Variants in ANK3 observed in about 807,000 individuals in gnomAD.
ANK3 encodes ankyrin-3.
In ANK3, 57 loss-of-function variants were observed where a neutral mutation model predicts 370.9. That is an observed-to-expected ratio of 0.15 (90% confidence interval 0.12 to 0.19). The LOEUF is 0.19. Among genes scored for constraint, ANK3 ranks in the 10% least tolerant of loss-of-function variants. The pLI is 1.00. For missense variants in ANK3, 4,439 were observed against 5,302.1 expected, an observed-to-expected ratio of 0.84 and a Z score of 5.06; for synonymous variants, 1,929 against 1,946.3, an observed-to-expected ratio of 0.99 and a Z score of 0.23.
chr10:60,410,408 C>T (rs1454472089), intron 2 of ANK3, among the ~76,000 whole-genome samples: 3 of 152,090 alleles, frequency 2.0e-5, no homozygotes, highest in Admixed American at 1.3e-4. Context: ...CTAATGTGTT[C>T]CATAGAGCTT....
intron 1 of ANK3, among the ~76,000 whole-genome samples, chr10:60,321,267 G>A (rs1435939967): frequency 2.0e-5 from 3 of 151,736 alleles, no homozygotes; most frequent in Non-Finnish European, 4.4e-5. Context: ...ACACATCTGT[G>A]GTCCCAGCTA....
In ANK3 at chr10:60,321,711, G is replaced by A. The variant is rs72822278; in HGVS notation, c.115-42072C>T. Among the ~76,000 whole-genome samples, 829 of 152,340 alleles carry A rather than the reference G, an allele frequency of 5.4e-3. 4 individuals carry two copies. The highest frequency in any genetic ancestry group is 0.013 in the South Asian group (64 of 4,828). On this transcript the variant is annotated intron_variant, in intron 1 of 43. Transcript: ENST00000280772. ...CCATGGTCACACCGCAGAAGTGGGT[G>A]TCAAAGCTGGGGCTGAAATCAGCAG...
intron 1 of ANK3, among the ~76,000 whole-genome samples, chr10:60,725,568 T>C (rs1439524197): frequency 6.6e-6 from 1 of 152,194 alleles, no homozygotes; most frequent in Non-Finnish European, 1.5e-5. Context: ...ATTATACTTC[T>C]TAGCTCCCTA....
intron 2 of ANK3, among the ~76,000 whole-genome samples, chr10:60,593,568 AG>A (rs2077946378): frequency 6.6e-6 from 1 of 152,132 alleles, no homozygotes. Context: ...ATGACCTTTG[AG>A]GTTTCTATTG....
intron 25 of ANK3, among the ~76,000 whole-genome samples, chr10:60,116,860 C>T (rs73261125): frequency 0.04 from 6,158 of 152,094 alleles, 393 homozygotes; most frequent in African/African-American, 0.14. Context: ...AGGTTGCCAG[C>T]GTAAAATGAC....
intron 42 of ANK3, chr10:60,051,601 TAAAATA>T: frequency 2.3e-6 from 2 of 869,092 alleles, no homozygotes; most frequent in Non-Finnish European, 2.8e-6. Flanking sequence ...CCATCACACT[TAAAATA>T]AAAGACATTC....
At chr10:60,590,952 G>T (rs2077901507) in intron 2 of ANK3, among the ~76,000 whole-genome samples, 1 of 152,124 alleles carries the variant, frequency 6.6e-6, no homozygotes, top group Non-Finnish European at 1.5e-5. Flanking sequence ...TGGATACAGA[G>T]GGCCAACTGT....
At chr10:60,693,998 T>C (rs1309851676) in intron 1 of ANK3, among the ~76,000 whole-genome samples, 1 of 151,838 alleles carries the variant, frequency 6.6e-6, no homozygotes, top group African/African-American at 2.4e-5. Flanking sequence ...TTGAAAACTT[T>C]GAAAAAAATT....
intron 1 of ANK3, among the ~76,000 whole-genome samples, chr10:60,715,869 A>G (rs1034812547): frequency 0.013 from 1 of 76 alleles, no homozygotes; most frequent in Non-Finnish European, 0.024. Context: ...GACCATGCTG[A>G]CCAATCAGCT....
At chr10:60,297,871 G>A (rs1419451188) in intron 1 of ANK3, among the ~76,000 whole-genome samples, 1 of 152,016 alleles carries the variant, frequency 6.6e-6, no homozygotes, top group Non-Finnish European at 1.5e-5. Context: ...CAAGTTTTGT[G>A]ATTTCTTTTT....
At chr10:60,485,465 T>C (rs998479541) in intron 2 of ANK3, among the ~76,000 whole-genome samples, 8 of 152,216 alleles carry the variant, frequency 5.3e-5, no homozygotes, top group Admixed American at 5.2e-4. Context: ...GGGAAGGCTT[T>C]AACAATGTGA....
chr10:60,189,678 G>A (rs139013741), intron 16 of ANK3, among the ~76,000 whole-genome samples: 4 of 152,198 alleles, frequency 2.6e-5, no homozygotes, highest in Admixed American at 2.6e-4. Flanking sequence ...ACTAAGAAAG[G>A]CAGATGCATC....
In ANK3 at chr10:60,327,515, C is replaced by T. The variant is rs189464991; in HGVS notation, c.115-47876G>A. On this transcript the variant is annotated intron_variant, in intron 1 of 43. Coordinates refer to ENST00000280772, the MANE Select transcript of ANK3 (RefSeq NM_020987.5). The stretch of plus-strand genomic sequence containing the variant: ...TTCCTCTCCTTATACCGCAGTAAAA[C>T]TGTCTTCTAGATCTGGAGTCCCTCC... Among the ~76,000 whole-genome samples, 89 of 152,306 alleles carry T rather than the reference C, an allele frequency of 5.8e-4. 1 individual carries two copies. The highest frequency in any genetic ancestry group is 2.0e-3 in the African/African-American group (85 of 41,574).
chr10:60,071,243 G>A lies in ANK3; in HGVS notation c.9638C>T (p.Ala3213Val). 33 of 1,614,086 alleles carry A rather than the reference G, an allele frequency of 2.0e-5. No homozygotes were observed. Among genetic ancestry groups the A allele is most frequent in the Non-Finnish European group, 2.8e-5 (33 of 1,179,990 alleles). Residue 3213 changes from alanine (A) to valine (V), a missense_variant, in exon 37 of 44, where the codon GCC (alanine) becomes GTC (valine). By Grantham distance (64) the Ala-to-Val change is moderately conservative (BLOSUM62 0). Around this residue, in one of 13 missense-constraint regions of ANK3, gnomAD observed 1,601 missense variants for 1,731.7 expected, o/e 0.92. Transcript: ENST00000280772. ...AGTCTGCTTAAGGGAGGTTGACTTG[G>A]CCTGTTCCTCCTCCTCTGACTCCTC... ...VSEESEEEEQ[A>V]KSTSLKQTTV...
intron 18 of ANK3, 89 bp from the exon 19 acceptor site, chr10:60,173,275 C>G: frequency 9.2e-7 from 1 of 1,081,790 alleles, no homozygotes; most frequent in Non-Finnish European, 1.3e-6. Context: ...ATTATTTAAC[C>G]TTTCTTTTTG....
intron 1 of ANK3, among the ~76,000 whole-genome samples, chr10:60,629,221 T>G (rs2078450765): frequency 6.6e-6 from 1 of 152,168 alleles, no homozygotes; most frequent in Non-Finnish European, 1.5e-5. Context: ...AGGAGCTTTA[T>G]TACATGGAAG....
intron 31 of ANK3, 101 bp from the exon 32 acceptor site, chr10:60,084,931 A>T: frequency 1.1e-6 from 1 of 909,280 alleles, no homozygotes; most frequent in Non-Finnish European, 1.6e-6. Flanking sequence ...AAAGGAACTA[A>T]CCCAAAACGT....
intron 23 of ANK3, among the ~76,000 whole-genome samples, chr10:60,149,575 C>T (rs1350882776): frequency 1.3e-5 from 2 of 152,196 alleles, no homozygotes; most frequent in Admixed American, 6.5e-5. Flanking sequence ...TCTATCATAG[C>T]TTCTTGGAGG....
At chr10:60,227,523 CT>C (rs1251763671) in intron 8 of ANK3, among the ~76,000 whole-genome samples, 1 of 152,038 alleles carries the variant, frequency 6.6e-6, no homozygotes, top group Non-Finnish European at 1.5e-5. Flanking sequence ...TCTCTTTCTC[CT>C]TTGCCTGTTG....
Sources: gnomAD v4.1 joint callset for allele counts (sites outside exome capture counted in the v4.1 genomes callset) on GRCh38, gnomAD v4.1.1 for gene constraint, gnomAD v4.1.1 regional missense constraint, MANE v1.5 for transcripts, NCBI Gene and HGNC (gene_info 2026-07-23, HGNC 2026-07-21) for gene names.